Variants in ERC2 observed in about 807,000 individuals in gnomAD.
ERC2 encodes ELKS/RAB6-interacting/CAST family member 2.
Under a neutral mutation model 114.8 loss-of-function variants are expected in ERC2, and 42 were observed. The observed-to-expected ratio is 0.37, with a 90% confidence interval of 0.29 to 0.47. The LOEUF is 0.47. Among genes scored for constraint, ERC2 ranks in the 20% least tolerant of loss-of-function variants. The probability of loss-of-function intolerance (pLI) is 0.99; values close to 1 mark genes in which losing one functional copy is unlikely to be tolerated. For synonymous variants in ERC2, 454 were observed against 425.5 expected, an observed-to-expected ratio of 1.07 and a Z score of -0.82; for missense variants, 939 against 1,150.7, an observed-to-expected ratio of 0.82 and a Z score of 2.66.
chr3:56,066,569 T>C (rs1482731620), intron 7 of ERC2, among the ~76,000 whole-genome samples: 1 of 152,196 alleles, frequency 6.6e-6, no homozygotes, highest in Non-Finnish European at 1.5e-5. Flanking sequence ...TTAGATCCCA[T>C]TTGTCAATTT....
chr3:55,570,779 C>T (rs2056660305), intron 17 of ERC2, among the ~76,000 whole-genome samples: 1 of 152,140 alleles, frequency 6.6e-6, no homozygotes, highest in South Asian at 2.1e-4. Context: ...GTTTTCCTTG[C>T]TTTTGACAGG....
intron 2 of ERC2, among the ~76,000 whole-genome samples, chr3:56,319,581 T>A (rs1044823260): frequency 1.3e-5 from 2 of 152,142 alleles, no homozygotes; most frequent in African/African-American, 4.8e-5. Context: ...GCTAACCATA[T>A]TGTATTGTAC....
intron 12 of ERC2, among the ~76,000 whole-genome samples, chr3:55,956,076 A>G (rs1460347379): frequency 6.6e-6 from 1 of 152,372 alleles, no homozygotes; most frequent in South Asian, 2.1e-4. Context: ...GCTTACAGTA[A>G]GAAGAATGTA....
rs1196387019 is a variant in ERC2 at position 56,010,597 on chromosome 3, G to A, written c.1780-8C>T. Reference sequence around the variant, plus strand: ...GCGCTCAATTATTCTCTCCTGTAAGGCAATTAACAAAAAAGAAGAGGTGAG... The same window carrying A: ...GCGCTCAATTATTCTCTCCTGTAAGACAATTAACAAAAAAGAAGAGGTGAG... On this transcript the variant is annotated splice_polypyrimidine_tract_variant and splice_region_variant and intron_variant, in intron 8 of 17. Transcript: ENST00000288221. 1.9e-6 allele frequency: 3 copies of A among 1,609,684 alleles called. No individual in the cohort carries two copies. Among genetic ancestry groups the A allele is most frequent in the Admixed American group, 1.7e-5 (1 of 59,310 alleles).
At chr3:55,864,029 G>C (rs1341573993) in intron 14 of ERC2, among the ~76,000 whole-genome samples, 1 of 149,512 alleles carries the variant, frequency 6.7e-6, no homozygotes, top group Non-Finnish European at 1.5e-5. Context: ...ATGATATGTA[G>C]CTCTTTTTCA....
At position 56,455,925 on chromosome 3, in the gene ERC2, CA is replaced by C. The variant is rs1028809817; in HGVS notation, c.-141+12322del. Among the ~76,000 whole-genome samples the C allele has an allele frequency of 5.3e-5, 8 of 152,182 alleles. No homozygotes were observed. In the East Asian group the frequency reaches 1.4e-3, roughly 26 times the overall value. ...TTTGCCTAGAGGTGGGCTGAGCCCACAAAAAAAGTTAGATAAGCTCCCCAGA... is the reference window on the plus strand; with the variant it reads ...TTTGCCTAGAGGTGGGCTGAGCCCACAAAAAAGTTAGATAAGCTCCCCAGA... On this transcript the variant is annotated intron_variant, in intron 1 of 17. Transcript: ENST00000288221.
chr3:56,368,233 T>C (rs1354910308), intron 2 of ERC2, among the ~76,000 whole-genome samples: 5 of 150,282 alleles, frequency 3.3e-5, no homozygotes, highest in Admixed American at 1.3e-4. Context: ...CGGTCATACA[T>C]CATGGGATAT....
intron 14 of ERC2, among the ~76,000 whole-genome samples, chr3:55,863,325 C>T (rs1334491834): frequency 6.6e-6 from 1 of 151,766 alleles, no homozygotes; most frequent in African/African-American, 2.4e-5. Flanking sequence ...GCCAGGGCCT[C>T]AATATTTTGA....
chr3:55,920,647 AC>A lies in ERC2; in HGVS notation c.2403+29777del, dbSNP rs150796280. Among the ~76,000 whole-genome samples, 583 of 152,198 alleles carry A rather than the reference AC, an allele frequency of 3.8e-3. 3 individuals are homozygous for A. The highest frequency in any genetic ancestry group is 0.013 in the African/African-American group (556 of 41,530). Reference sequence around the variant, plus strand: ...ATACATCAACATGAATTCTACTTGAACCCTTTAGTGCTTCTTTATCTGCTTC... The same window carrying A: ...ATACATCAACATGAATTCTACTTGAACCTTTAGTGCTTCTTTATCTGCTTC... On this transcript the variant is annotated intron_variant, in intron 13 of 17. Transcript: ENST00000288221.
chr3:55,583,492 T>TCCCTCC (rs1559692964), intron 17 of ERC2, among the ~76,000 whole-genome samples: 1 of 12,140 alleles, frequency 8.2e-5, no homozygotes, highest in Non-Finnish European at 1.4e-4. Flanking sequence ...TCCATCCCTC[T>TCCCTCC]CTCCTTCCCT....
intron 1 of ERC2, among the ~76,000 whole-genome samples, chr3:56,467,348 A>T (rs1215205838): frequency 1.3e-5 from 2 of 152,204 alleles, no homozygotes; most frequent in Non-Finnish European, 2.9e-5. Context: ...ATTGCCTTTC[A>T]TACAGCAAAG....
At chr3:56,407,785 C>T (rs1020098558) in intron 2 of ERC2, among the ~76,000 whole-genome samples, 2 of 152,106 alleles carry the variant, frequency 1.3e-5, no homozygotes, top group Non-Finnish European at 2.9e-5. Flanking sequence ...GGCCCAGGGA[C>T]CCCCCTGGAA....
intron 3 of ERC2, among the ~76,000 whole-genome samples, chr3:56,191,358 G>T (rs2047768367): frequency 6.6e-6 from 1 of 152,154 alleles, no homozygotes; most frequent in South Asian, 2.1e-4. Context: ...CTCTGACCTA[G>T]CTCCCCAGCA....
At chr3:56,204,529 G>A (rs1054991876) in intron 3 of ERC2, among the ~76,000 whole-genome samples, 2 of 14,700 alleles carry the variant, frequency 1.4e-4, no homozygotes, top group African/African-American at 3.1e-4. Flanking sequence ...TTTTGAGACG[G>A]AATCTCACTC....
At chr3:56,112,953 C>G (rs1052985181) in intron 6 of ERC2, among the ~76,000 whole-genome samples, 1 of 152,090 alleles carries the variant, frequency 6.6e-6, no homozygotes, top group Non-Finnish European at 1.5e-5. Context: ...GCCATTTGGT[C>G]TTTCAATAAG....
At chr3:56,232,898 C>T (rs540096564) in intron 3 of ERC2, among the ~76,000 whole-genome samples, 3 of 152,188 alleles carry the variant, frequency 2.0e-5, no homozygotes, top group Non-Finnish European at 2.9e-5. Flanking sequence ...TCATTATCTC[C>T]CGTTTCCGAA....
chr3:56,179,658 G>A (rs577012252), intron 3 of ERC2, among the ~76,000 whole-genome samples: 2 of 152,082 alleles, frequency 1.3e-5, no homozygotes, highest in African/African-American at 4.8e-5. Flanking sequence ...GGACTAAAGA[G>A]AGAAGCAAAA....
chr3:56,273,258 C>CTTTTTTTTTTT (rs1206517864), intron 3 of ERC2, among the ~76,000 whole-genome samples: 1 of 94,742 alleles, frequency 1.1e-5, no homozygotes. Context: ...CTTTTTTTTT[C>CTTTTTTTTTTT]TTTCTTTTTT....
At chr3:55,707,188 C>T (rs1333363347) in intron 15 of ERC2, among the ~76,000 whole-genome samples, 2 of 152,126 alleles carry the variant, frequency 1.3e-5, no homozygotes, top group African/African-American at 4.8e-5. Flanking sequence ...AATCTCAGCA[C>T]TTTGGGAGGC....
Sources: allele counts gnomAD v4.1 joint callset (sites outside exome capture counted in the v4.1 genomes callset), GRCh38; gene constraint gnomAD v4.1.1; transcripts MANE v1.5; gene names NCBI Gene and HGNC (gene_info 2026-07-23, HGNC 2026-07-21).